NBAS: variants seen among roughly 807,000 people sequenced by gnomAD.
NBAS encodes NBAS subunit of NRZ tethering complex.
NBAS carries 219 observed loss-of-function variants against 302.5 expected under a neutral mutation model. That is an observed-to-expected ratio of 0.72 (90% CI 0.65 to 0.81). The LOEUF (loss-of-function observed/expected upper bound fraction) is 0.81. Among genes scored for constraint, NBAS ranks in the 30% least tolerant of loss-of-function variants. The pLI is 0.00. For synonymous variants in NBAS, 1,118 were observed against 1,021.6 expected, an observed-to-expected ratio of 1.09 and a Z score of -1.80; for missense variants, 2,932 against 2,841.6, an observed-to-expected ratio of 1.03 and a Z score of -0.72.
At chr2:15,444,312 A>G (rs1053277183) in intron 21 of NBAS, among the ~76,000 whole-genome samples, 4 of 152,232 alleles carry the variant, frequency 2.6e-5, no homozygotes, top group Admixed American at 2.6e-4. Flanking sequence ...AGAGATATAG[A>G]TCAATGGAAC....
At chr2:15,554,013 G>T in intron 4 of NBAS, 48 bp downstream of exon 4, 1 of 1,509,726 alleles carries the variant, frequency 6.6e-7, no homozygotes, top group Non-Finnish European at 9.2e-7. Flanking sequence ...ATAATGAAAT[G>T]TAAAAGCTAA....
At chr2:15,307,567 T>C (rs1288078376) in intron 40 of NBAS, among the ~76,000 whole-genome samples, 1 of 152,160 alleles carries the variant, frequency 6.6e-6, no homozygotes, top group Non-Finnish European at 1.5e-5. Flanking sequence ...ATCAGATAAT[T>C]TCACAATGCC....
chr2:15,265,457 T>G (rs1435062954), intron 44 of NBAS, among the ~76,000 whole-genome samples: 1 of 152,124 alleles, frequency 6.6e-6, no homozygotes, highest in Non-Finnish European at 1.5e-5. Context: ...AATTCAGAAC[T>G]CACTATCATG....
the NBAS span, among the ~76,000 whole-genome samples, chr2:15,033,054 T>C: frequency 5.9e-5 from 9 of 152,164 alleles, no homozygotes; most frequent in Non-Finnish European, 1.2e-4. Flanking sequence ...GGGGGCAGGA[T>C]CCCTGCCTGG....
the NBAS span, among the ~76,000 whole-genome samples, chr2:14,993,543 T>C: frequency 1.3e-5 from 2 of 152,240 alleles, no homozygotes; most frequent in Non-Finnish European, 2.9e-5. Context: ...TTCCATTCAA[T>C]TTTATCGATA....
chr2:14,904,740 A>T, the NBAS span, among the ~76,000 whole-genome samples: 2 of 152,094 alleles, frequency 1.3e-5, no homozygotes, highest in Non-Finnish European at 2.9e-5. Flanking sequence ...GTGTCTACGT[A>T]TTTCATCTAA....
At chr2:14,937,726 G>A in the NBAS span, among the ~76,000 whole-genome samples, 1 of 152,118 alleles carries the variant, frequency 6.6e-6, no homozygotes, top group Non-Finnish European at 1.5e-5. Flanking sequence ...AGCAAGAAAG[G>A]GGGCTCCGAG....
At chr2:15,341,004 TA>T (rs1272134271) in intron 35 of NBAS, among the ~76,000 whole-genome samples, 1 of 152,132 alleles carries the variant, frequency 6.6e-6, no homozygotes, top group African/African-American at 2.4e-5. Context: ...ATACTAAGTA[TA>T]AACTAAAGAA....
chr2:15,409,095 A>G (rs971450962), intron 25 of NBAS, among the ~76,000 whole-genome samples: 1 of 152,198 alleles, frequency 6.6e-6, no homozygotes, highest in African/African-American at 2.4e-5. Flanking sequence ...ATTTTCCTTG[A>G]CATTTAACAC....
intron 30 of NBAS, among the ~76,000 whole-genome samples, chr2:15,376,355 A>T (rs1558283930): frequency 6.6e-6 from 1 of 152,212 alleles, no homozygotes; most frequent in Non-Finnish European, 1.5e-5. Context: ...AAGGGGAAAT[A>T]TAGAAGGACC....
Position 15,462,052 on chromosome 2 carries a change from C to T in NBAS, c.2098-261G>A, listed in dbSNP as rs140085628. Among the ~76,000 whole-genome samples, 22 of 152,240 alleles carry T rather than the reference C, an allele frequency of 1.4e-4. No homozygotes were observed. In the East Asian group the frequency reaches 3.9e-3, roughly 27 times the overall value. ...AAAAATTAAGTTAATTGCAGTAGGA[C>T]AACCAAAATCAACCACCAGGTAAAA... On this transcript the variant is annotated intron_variant, in intron 19 of 51. Coordinates refer to ENST00000281513, the MANE Select transcript of NBAS (RefSeq NM_015909.4).
rs1484069780 is a variant in NBAS at position 15,238,631 on chromosome 2, T to C, written c.5780A>G (p.His1927Arg). ...TCTTTTCCTTGGCTTCTCAATAAAA[T>C]GTTTGACTGTCTTAATAGCCTTTCT... is the stretch of plus-strand genomic sequence containing the variant. ...MTRKAIKTVK[H>R]FIEKPRKRNS... Residue 1927 changes from histidine to arginine, a missense_variant, in exon 45 of 52, where the codon CAT (histidine) becomes CGT (arginine). Coordinates refer to ENST00000281513, the MANE Select transcript of NBAS (RefSeq NM_015909.4). The C allele has an allele frequency of 1.2e-6, 2 of 1,613,358 alleles. No homozygotes were observed. Among genetic ancestry groups the C allele is most frequent in the East Asian group, 2.2e-5 (1 of 44,844 alleles).
the NBAS span, among the ~76,000 whole-genome samples, chr2:14,953,331 A>C: frequency 6.6e-6 from 1 of 152,216 alleles, no homozygotes; most frequent in Non-Finnish European, 1.5e-5. Context: ...TCAGAGGAGA[A>C]CAGGTGTTTG....
intron 47 of NBAS, among the ~76,000 whole-genome samples, chr2:15,227,243 C>T (rs951720902): frequency 6.6e-6 from 1 of 151,920 alleles, no homozygotes; most frequent in African/African-American, 2.4e-5. Flanking sequence ...AGAAAGAAAG[C>T]AATTTCATTT....
chr2:15,291,479 T>C (rs1415335902), intron 41 of NBAS, among the ~76,000 whole-genome samples: 1 of 152,188 alleles, frequency 6.6e-6, no homozygotes, highest in Non-Finnish European at 1.5e-5. Context: ...GGTGAACACA[T>C]TTTCCCAACT....
chr2:15,246,100 A>T lies in NBAS; in HGVS notation c.5725-7414T>A, dbSNP rs375952873. Among the ~76,000 whole-genome samples the T allele has an allele frequency of 3.3e-5, 5 of 152,258 alleles. No homozygotes were observed. In the East Asian group the frequency reaches 7.7e-4, roughly 23 times the overall value. ...GGAAGCCACTGAGAGCCACTTGTAT[A>T]TTGAAGATAATTACATGGAAATGTC... On this transcript the variant is annotated intron_variant, in intron 44 of 51. Coordinates refer to ENST00000281513, the MANE Select transcript of NBAS (RefSeq NM_015909.4).
the NBAS span, among the ~76,000 whole-genome samples, chr2:15,086,814 A>C: frequency 6.6e-6 from 1 of 152,230 alleles, no homozygotes. Context: ...AGGAGTGCCT[A>C]GATATTTGGT....
rs2148689325 is a variant in NBAS, at chr2:15,539,294, C to T, written c.442G>A (p.Ala148Thr). 2 of 1,614,196 alleles carry T rather than the reference C, an allele frequency of 1.2e-6. No homozygotes were observed. Among genetic ancestry groups the T allele is most frequent in the Middle Eastern group, 1.6e-4 (1 of 6,062 alleles). The change falls in exon 7 of 52, where the codon GCC (alanine) becomes ACC (threonine). Residue 148 changes from alanine to threonine, a missense_variant. Physicochemically the swap from Ala to Thr is moderately conservative, Grantham distance 58 (BLOSUM62 0). Coordinates refer to ENST00000281513, the MANE Select transcript of NBAS (RefSeq NM_015909.4). ...VAWSYDCTLLAYAESTGTVRV... is the reference protein window; with the variant it reads ...VAWSYDCTLLTYAESTGTVRV... ...ACAGTTCCTGTGCTTTCGGCATAGGCCAGTAGGGTACAATCGTAACTCCAT... is the reference window on the plus strand; with the variant it reads ...ACAGTTCCTGTGCTTTCGGCATAGGTCAGTAGGGTACAATCGTAACTCCAT...
chr2:15,405,775 T>C (rs1366834343), intron 25 of NBAS, among the ~76,000 whole-genome samples: 5 of 152,160 alleles, frequency 3.3e-5, no homozygotes, highest in Admixed American at 6.5e-5. Context: ...AGCTTTTATA[T>C]ACACAAACAT....
Sources: gnomAD v4.1 joint callset for allele counts (sites outside exome capture counted in the v4.1 genomes callset) on GRCh38, gnomAD v4.1.1 for gene constraint, MANE v1.5 for transcripts, NCBI Gene and HGNC (gene_info 2026-07-23, HGNC 2026-07-21) for gene names.